The following KLHDC2 variants were observed in gnomAD, a reference collection of about 807,000 sequenced individuals.
KLHDC2 encodes kelch domain-containing protein 2.
A neutral mutation model predicts 62.3 loss-of-function variants in KLHDC2; 38 were observed. The observed-to-expected ratio is 0.61, with a 90% confidence interval of 0.47 to 0.80. KLHDC2 has a LOEUF of 0.80. Ranked by LOEUF, KLHDC2 falls within the 30% of genes least tolerant of loss-of-function variation. The pLI, the probability that KLHDC2 is intolerant of heterozygous loss-of-function variation, is 0.00. For synonymous variants in KLHDC2, 159 were observed against 161.0 expected (o/e 0.99, Z 0.09); for missense variants, 430 against 495.3 (o/e 0.87, Z 1.25).
In KLHDC2 at chr14:49,785,189, A is replaced by C. The variant is rs1182791153; in HGVS notation, c.*2236A>C. ...AATAGACGTTACAAAACAATTCACA[A>C]AAGCCATTCTGTCAACTAATGGTAA... On this transcript the variant is annotated 3_prime_UTR_variant, in exon 13 of 13. Transcript: ENST00000298307. 1 of 1,605,276 alleles carries C rather than the reference A, an allele frequency of 6.2e-7. No homozygotes were observed. The highest frequency in any genetic ancestry group is 2.2e-5 in the East Asian group (1 of 44,798).
At chr14:49,776,991 A>C (rs1889786627) in intron 3 of KLHDC2, among the ~76,000 whole-genome samples, 1 of 152,046 alleles carries the variant, frequency 6.6e-6, no homozygotes, top group Admixed American at 6.6e-5. Flanking sequence ...ATATGGAACC[A>C]GACCAAATGC....
intron 3 of KLHDC2, among the ~76,000 whole-genome samples, chr14:49,775,156 T>C (rs982682346): frequency 1.3e-5 from 2 of 152,130 alleles, no homozygotes; most frequent in South Asian, 4.1e-4. Flanking sequence ...TTGTTCCAAG[T>C]AGGAAAAAAT....
chr14:49,785,539 A>G lies in KLHDC2; in HGVS notation c.*2586A>G, dbSNP rs1328748555. The G allele has an allele frequency of 6.4e-6, 3 of 468,952 alleles. No homozygotes were observed. Among genetic ancestry groups the G allele is most frequent in the East Asian group, 4.0e-5 (1 of 24,848 alleles). The allele number at this position is 468,952 out of a possible 1,614,324, so 29.0% of individuals were successfully genotyped here. Reference sequence around the variant, plus strand: ...TACTACTTAATTTTTGCCTAGCATAATAAGTAATGAGAACAATAATTTTCA... The same window carrying G: ...TACTACTTAATTTTTGCCTAGCATAGTAAGTAATGAGAACAATAATTTTCA... On this transcript the variant is annotated 3_prime_UTR_variant, in exon 13 of 13. Transcript: ENST00000298307.
chr14:49,769,484 C>T (rs541938523), intron 1 of KLHDC2, among the ~76,000 whole-genome samples: 4 of 152,288 alleles, frequency 2.6e-5, no homozygotes, highest in East Asian at 1.9e-4. Context: ...TTGTTTTTAG[C>T]TTATGGTACA....
In KLHDC2 at chr14:49,780,201, T is replaced by A. The variant is rs772521663; in HGVS notation, c.774-12T>A. ...CTAAATGCAGATATTGTAACTTAGC[T>A]ATTATTTTCAGAATTCCACAAGGCA... On this transcript the variant is annotated splice_polypyrimidine_tract_variant and intron_variant, in intron 8 of 12. Transcript: ENST00000298307. 2 of 1,509,014 alleles carry A rather than the reference T, an allele frequency of 1.3e-6. No individual in the cohort carries two copies. The highest frequency in any genetic ancestry group is 3.4e-5 in the Admixed American group (2 of 59,414). The allele number at this position is 1,509,014 out of a possible 1,614,324, so 93.5% of individuals were successfully genotyped here.
In KLHDC2 at chr14:49,780,772, C is replaced by T; in HGVS notation, c.953C>T (p.Pro318Leu). 6.4e-7 allele frequency: 1 copy of T among 1,567,102 alleles called. No individual in the cohort carries two copies. The highest frequency in any genetic ancestry group is 8.8e-7 in the Non-Finnish European group (1 of 1,137,412). Residue 318 changes from proline to leucine, a missense_variant, in exon 10 of 13, where the codon CCA (proline) becomes CTA (leucine). Coordinates refer to ENST00000298307, the MANE Select transcript of KLHDC2 (RefSeq NM_014315.3). ...IQFNHPYTEK[P>L]RLWHTACASD... is the part of the protein sequence containing the mutation. ...TTTAATCATCCATATACCGAAAAAC[C>T]AAGGTATTTAAAAGCAATTCATATA...
At chr14:49,780,607 G>T in intron 9 of KLHDC2, 96 bp from the exon 10 acceptor site, 1 of 875,164 alleles carries the variant, frequency 1.1e-6, no homozygotes, top group Non-Finnish European at 2.0e-6. Flanking sequence ...CTCTGTATCT[G>T]CTCATGATCT....
chr14:49,777,981 G>GTTT, intron 4 of KLHDC2, 27 bp downstream of exon 4: 2 of 1,377,306 alleles, frequency 1.5e-6, no homozygotes, highest in Non-Finnish European at 2.1e-6. Flanking sequence ...ACAGGTTTGG[G>GTTT]TTTTTATGTG....
intron 12 of KLHDC2, 97 bp downstream of exon 12, chr14:49,782,691 A>C (rs1405576831): frequency 7.4e-6 from 10 of 1,353,192 alleles, no homozygotes; most frequent in Non-Finnish European, 1.0e-6. Context: ...ATTTAAGGGC[A>C]ATAAAACTTC....
intron 10 of KLHDC2, 65 bp from the exon 11 acceptor site, chr14:49,782,305 C>G: frequency 3.1e-6 from 3 of 979,456 alleles, no homozygotes; most frequent in South Asian, 1.4e-5. Flanking sequence ...TAGCTCTATT[C>G]TGTAGTATAA....
chr14:49,768,459 C>T lies in KLHDC2; in HGVS notation c.-10C>T, dbSNP rs1205756922. Reference sequence around the variant, plus strand: ...TGGGCATTGTTGGTTAGCAAAAGTGCAGCCTCAAGATGGCTGATGGCAACG... The same window carrying T: ...TGGGCATTGTTGGTTAGCAAAAGTGTAGCCTCAAGATGGCTGATGGCAACG... On this transcript the variant is annotated 5_prime_UTR_variant, in exon 1 of 13. Coordinates refer to ENST00000298307, the MANE Select transcript of KLHDC2 (RefSeq NM_014315.3). 1.2e-6 allele frequency: 2 copies of T among 1,606,226 alleles called. No individual in the cohort carries two copies. The highest frequency in any genetic ancestry group is 1.1e-5 in the South Asian group (1 of 89,812).
At chr14:49,771,477 T>C in intron 1 of KLHDC2, 117 bp from the exon 2 acceptor site, 3 of 596,122 alleles carry the variant, frequency 5.0e-6, no homozygotes, top group Non-Finnish European at 9.1e-6. Context: ...GATTGTGCAC[T>C]GTAATACCTA....
chr14:49,774,098 T>C (rs1397475791), intron 2 of KLHDC2, among the ~76,000 whole-genome samples: 3 of 152,206 alleles, frequency 2.0e-5, no homozygotes, highest in African/African-American at 7.2e-5. Flanking sequence ...CTGTTTGTAG[T>C]GTTACATAAA....
rs373123542 is a variant in KLHDC2, at chr14:49,768,543, G to A, written c.75G>A (p.Glu25=). 5.1e-5 allele frequency: 82 copies of A among 1,609,942 alleles called. No homozygotes were observed. In the Admixed American group the frequency reaches 6.5e-4, roughly 13 times the overall value. The change falls in exon 1 of 13, where the codon GAG becomes GAA. Residue 25 remains glutamate, a synonymous_variant. Transcript: ENST00000298307. The part of the protein sequence containing the change: ...GPAFESYESM[E]LACPAERSGH... ...CCTTCGAGAGCTATGAGTCCATGGA[G>A]CTTGCCTGCCCCGCTGAGCGCAGCG...
chr14:49,778,360 T>C, intron 5 of KLHDC2, 51 bp from the exon 6 acceptor site: 1 of 1,359,766 alleles, frequency 7.4e-7, no homozygotes, highest in Non-Finnish European at 1.0e-6. Context: ...GCAGGCTGTC[T>C]AATTTTATAA....
At chr14:49,779,916 A>T in intron 8 of KLHDC2, 110 bp downstream of exon 8, 1 of 758,730 alleles carries the variant, frequency 1.3e-6, no homozygotes, top group Non-Finnish European at 2.2e-6. Flanking sequence ...CTATGAAATT[A>T]AATAAACATA....
chr14:49,782,971 C>A lies in KLHDC2; in HGVS notation c.*18C>A, dbSNP rs1889979801. 1 of 1,607,076 alleles carries A rather than the reference C, an allele frequency of 6.2e-7. No individual in the cohort carries two copies. The highest frequency in any genetic ancestry group is 8.5e-7 in the Non-Finnish European group (1 of 1,176,670). Reference sequence around the variant, plus strand: ...GATCTTAAGGCTTCATAAATAATGCCTATGATCACCTTGCATGGACAGCAA... The same window carrying A: ...GATCTTAAGGCTTCATAAATAATGCATATGATCACCTTGCATGGACAGCAA... On this transcript the variant is annotated 3_prime_UTR_variant, in exon 13 of 13. Coordinates refer to ENST00000298307, the MANE Select transcript of KLHDC2 (RefSeq NM_014315.3).
At chr14:49,769,317 T>A (rs1594697025) in intron 1 of KLHDC2, among the ~76,000 whole-genome samples, 1 of 152,224 alleles carries the variant, frequency 6.6e-6, no homozygotes, top group East Asian at 1.9e-4. Flanking sequence ...GTTAGCAGTT[T>A]AAAGCCAGTT....
At chr14:49,778,281 C>T (rs1206100963) in intron 5 of KLHDC2, 22 bp downstream of exon 5, 1 of 1,474,640 alleles carries the variant, frequency 6.8e-7, no homozygotes. Flanking sequence ...TTCATATTTG[C>T]ATATGGCCTC....
Sources: allele counts gnomAD v4.1 joint callset (sites outside exome capture counted in the v4.1 genomes callset), GRCh38; gene constraint gnomAD v4.1.1; transcripts MANE v1.5; gene names NCBI Gene and HGNC (gene_info 2026-07-23, HGNC 2026-07-21).